CDH18: variants seen among roughly 807,000 people sequenced by gnomAD.
CDH18 encodes cadherin-18.
In CDH18, 31 loss-of-function variants were observed where a neutral mutation model predicts 67.9. The ratio of observed to expected loss-of-function variants is 0.46; its 90% CI spans 0.34 to 0.62. The LOEUF is 0.62. Among genes scored for constraint, CDH18 ranks in the 20% least tolerant of loss-of-function variants. The pLI, the probability that CDH18 is intolerant of heterozygous loss-of-function variation, is 0.01. For synonymous variants in CDH18, 362 were observed against 347.2 expected (o/e 1.04, Z -0.48); for missense variants, 890 against 975.5 (o/e 0.91, Z 1.17).
chr5:19,545,411 T>G (rs923237758), intron 8 of CDH18, among the ~76,000 whole-genome samples: 1 of 152,150 alleles, frequency 6.6e-6, no homozygotes, highest in African/African-American at 2.4e-5. Context: ...GGCAAGAATT[T>G]CAAATTCAAG....
intron 3 of CDH18, among the ~76,000 whole-genome samples, chr5:19,757,176 G>C (rs1418987017): frequency 1.3e-5 from 2 of 152,168 alleles, no homozygotes; most frequent in Non-Finnish European, 2.9e-5. Flanking sequence ...CATGAGGGTG[G>C]ATAAGGCATT....
intron 5 of CDH18, among the ~76,000 whole-genome samples, chr5:19,639,732 C>T (rs1023557005): frequency 2.0e-5 from 3 of 152,198 alleles, no homozygotes; most frequent in Non-Finnish European, 4.4e-5. Context: ...GACACATGCC[C>T]CTTGCGTGCT....
intron 2 of CDH18, among the ~76,000 whole-genome samples, chr5:19,884,801 T>C (rs1483397154): frequency 3.3e-5 from 5 of 151,990 alleles, no homozygotes. Flanking sequence ...ATTTAAATCT[T>C]TACAAAAATT....
At chr5:20,249,443 C>T (rs1007759937) in intron 2 of CDH18, among the ~76,000 whole-genome samples, 4 of 140,610 alleles carry the variant, frequency 2.8e-5, no homozygotes. Context: ...AGTTCAGTGG[C>T]GCGATATTGG....
intron 1 of CDH18, among the ~76,000 whole-genome samples, chr5:20,440,979 C>A (rs1303936189): frequency 6.6e-6 from 1 of 151,842 alleles, no homozygotes; most frequent in Non-Finnish European, 1.5e-5. Context: ...GAAGCATTTC[C>A]AGAATTTCAT....
At chr5:20,088,243 T>C (rs773073160) in intron 2 of CDH18, among the ~76,000 whole-genome samples, 5 of 152,204 alleles carry the variant, frequency 3.3e-5, no homozygotes, top group Non-Finnish European at 7.3e-5. Context: ...AAATGTGGTT[T>C]CACTTAAAAC....
chr5:19,705,772 T>C (rs1304706205), intron 5 of CDH18, among the ~76,000 whole-genome samples: 2 of 152,204 alleles, frequency 1.3e-5, no homozygotes, highest in African/African-American at 2.4e-5. Flanking sequence ...GAAAAATTAT[T>C]GTCCCTCTCA....
intron 1 of CDH18, among the ~76,000 whole-genome samples, chr5:20,272,209 TAGAA>T (rs1403767440): frequency 6.6e-6 from 1 of 151,994 alleles, no homozygotes; most frequent in African/African-American, 2.4e-5. Context: ...CAAATCTGAA[TAGAA>T]AGAGTCACAG....
In CDH18 at chr5:20,376,091, ATT is replaced by A. The variant is rs562655039; in HGVS notation, c.-579-120588_-579-120587del. Among the ~76,000 whole-genome samples, 28 of 49,768 alleles carry A rather than the reference ATT, an allele frequency of 5.6e-4. 1 individual carries two copies. The highest frequency in any genetic ancestry group is 3.5e-3 in the Admixed American group (8 of 2,276). The allele number at this position is 49,768 out of a possible 152,430, so 32.6% of individuals were successfully genotyped here. ...ACAGTAAGCAATTTAAAAAGAAACA[ATT>A]TTTTTTTTTTTTTTTTTTGAGACGG... On this transcript the variant is annotated intron_variant, in intron 1 of 14. Coordinates refer to the CDH18 transcript ENST00000507958.
intron 1 of CDH18, among the ~76,000 whole-genome samples, chr5:20,354,786 T>C (rs559296177): frequency 6.6e-6 from 1 of 152,272 alleles, no homozygotes. Flanking sequence ...AGTGGTGTCA[T>C]ACTGTTGAAA....
chr5:19,509,691 T>C (rs1392021328), intron 10 of CDH18, among the ~76,000 whole-genome samples: 1 of 152,174 alleles, frequency 6.6e-6, no homozygotes, highest in Non-Finnish European at 1.5e-5. Context: ...GTTATTTTTG[T>C]ACATTTATTT....
At chr5:19,630,471 T>A (rs899555104) in intron 5 of CDH18, among the ~76,000 whole-genome samples, 1 of 151,918 alleles carries the variant, frequency 6.6e-6, no homozygotes, top group Non-Finnish European at 1.5e-5. Flanking sequence ...CAAGGATCCA[T>A]TGGGGTGTGT....
intron 1 of CDH18, among the ~76,000 whole-genome samples, chr5:20,471,727 G>A (rs887443431): frequency 8.0e-5 from 12 of 150,306 alleles, no homozygotes; most frequent in Non-Finnish European, 1.2e-4. Flanking sequence ...GATTGAACCC[G>A]GGAGGCGGAG....
chr5:20,524,544 T>C lies in CDH18; in HGVS notation c.-580+50918A>G, dbSNP rs574003808. Among the ~76,000 whole-genome samples, 7 of 152,278 alleles carry C rather than the reference T, an allele frequency of 4.6e-5. No individual in the cohort carries two copies. The South Asian group carries it at 1.4e-3, about 32-fold the overall frequency. On this transcript the variant is annotated intron_variant, in intron 1 of 14. Coordinates refer to the CDH18 transcript ENST00000507958. ...TAATATATCAGGAGACAATACATAG[T>C]TGTTTAAGGTTATTGTTAAATTTTT... is the stretch of plus-strand genomic sequence containing the variant.
At chr5:19,477,196 G>T (rs1327830983) in intron 12 of CDH18, among the ~76,000 whole-genome samples, 1 of 150,244 alleles carries the variant, frequency 6.7e-6, no homozygotes, top group East Asian at 1.9e-4. Flanking sequence ...GAGTGAAAGG[G>T]GATGTTGTTC....
intron 1 of CDH18, among the ~76,000 whole-genome samples, chr5:20,567,695 G>A (rs1379700800): frequency 6.6e-6 from 1 of 152,146 alleles, no homozygotes; most frequent in Admixed American, 6.6e-5. Context: ...ATCCTAATGA[G>A]TAGCAAGCTG....
intron 6 of CDH18, among the ~76,000 whole-genome samples, chr5:19,610,888 T>C (rs995625416): frequency 1.3e-5 from 2 of 152,162 alleles, no homozygotes; most frequent in Non-Finnish European, 2.9e-5. Context: ...ACCTATGATA[T>C]ATACTTTCTT....
chr5:20,534,857 T>TTATTTATG (rs1348716407), intron 1 of CDH18, among the ~76,000 whole-genome samples: 1 of 151,722 alleles, frequency 6.6e-6, no homozygotes, highest in Non-Finnish European at 1.5e-5. Flanking sequence ...ATTTATTTAT[T>TTATTTATG]TAGAGTCAGG....
At chr5:20,467,331 T>G (rs564440742) in intron 1 of CDH18, among the ~76,000 whole-genome samples, 1 of 111,552 alleles carries the variant, frequency 9.0e-6, no homozygotes, top group East Asian at 2.2e-4. Context: ...ACTCATTTAC[T>G]CAAGTTTAAG....
Sources: gnomAD v4.1 joint callset for allele counts (sites outside exome capture counted in the v4.1 genomes callset) on GRCh38, gnomAD v4.1.1 for gene constraint, MANE v1.5 for transcripts, NCBI Gene and HGNC (gene_info 2026-07-23, HGNC 2026-07-21) for gene names.